Variants in SMOC2 observed in about 807,000 individuals in gnomAD.
SMOC2 encodes the protein SPARC related modular calcium binding 2.
A neutral mutation model predicts 61.4 loss-of-function variants in SMOC2; 39 were observed. The ratio of observed to expected loss-of-function variants is 0.64; its 90% confidence interval spans 0.49 to 0.83. The LOEUF (loss-of-function observed/expected upper bound fraction) is 0.83. Ranked by LOEUF, SMOC2 falls within the 40% of genes least tolerant of loss-of-function variation. The pLI, the probability that SMOC2 is intolerant of heterozygous loss-of-function variation, is 0.00. For synonymous variants in SMOC2, 247 were observed against 239.9 expected, an observed-to-expected ratio of 1.03 and a Z score of -0.27; for missense variants, 556 against 592.9, an observed-to-expected ratio of 0.94 and a Z score of 0.65.
At chr6:168,660,096 C>T (rs9355003) in intron 11 of SMOC2, among the ~76,000 whole-genome samples, 5,180 of 138,116 alleles carry the variant, frequency 0.038, 175 homozygotes, top group East Asian at 0.22. Context: ...TGGGGATGGG[C>T]TAGCTCTGAG....
At position 168,613,730 on chromosome 6, in the gene SMOC2, C is replaced by A. The variant is rs1197874295; in HGVS notation, c.907+5491C>A. Among the ~76,000 whole-genome samples the A allele has an allele frequency of 5.2e-5, 7 of 134,236 alleles. No individual in the cohort carries two copies. In the South Asian group the frequency reaches 1.6e-3, roughly 31 times the overall value. The allele number at this position is 134,236 out of a possible 152,430, so 88.1% of individuals were successfully genotyped here. On this transcript the variant is annotated intron_variant, in intron 9 of 12. Coordinates refer to ENST00000356284, the MANE Select transcript of SMOC2 (RefSeq NM_001166412.2). ...CCAGCACAGGGCCTCTTCACACCTA[C>A]AGCCAGCACAGGGGGCCTCTTCACA...
At chr6:168,638,900 G>C (rs1302480475) in intron 9 of SMOC2, among the ~76,000 whole-genome samples, 2 of 152,176 alleles carry the variant, frequency 1.3e-5, no homozygotes, top group Admixed American at 1.3e-4. Flanking sequence ...CTTTTAAAAG[G>C]AGAAAATCTC....
chr6:168,566,479 C>CTTTT (rs10553952), intron 7 of SMOC2, among the ~76,000 whole-genome samples: 87 of 118,162 alleles, frequency 7.4e-4, no homozygotes, highest in African/African-American at 8.5e-4. Context: ...TGTAGCACTT[C>CTTTT]TTTTTTTTTT....
intron 1 of SMOC2, among the ~76,000 whole-genome samples, chr6:168,469,625 A>G (rs1385639464): frequency 6.6e-6 from 1 of 152,204 alleles, no homozygotes; most frequent in Non-Finnish European, 1.5e-5. Context: ...CCAAATCACA[A>G]GCCTCTGCTT....
At chr6:168,515,912 A>G (rs1783120609) in intron 2 of SMOC2, among the ~76,000 whole-genome samples, 2 of 152,252 alleles carry the variant, frequency 1.3e-5, no homozygotes, top group African/African-American at 4.8e-5. Context: ...AAGAGGGAGC[A>G]CAGGATTGTC....
intron 4 of SMOC2, among the ~76,000 whole-genome samples, chr6:168,539,902 A>C (rs1783839290): frequency 6.6e-6 from 1 of 152,082 alleles, no homozygotes; most frequent in Non-Finnish European, 1.5e-5. Context: ...GCCGCTTCCT[A>C]AGTGGCCCTG....
chr6:168,533,760 A>C (rs1197953180), intron 4 of SMOC2, among the ~76,000 whole-genome samples: 1 of 152,228 alleles, frequency 6.6e-6, no homozygotes, highest in East Asian at 1.9e-4. Context: ...TATTAAAGTA[A>C]AATATTTCAA....
chr6:168,663,555 A>G (rs540128777), intron 11 of SMOC2, among the ~76,000 whole-genome samples: 1 of 151,856 alleles, frequency 6.6e-6, no homozygotes, highest in African/African-American at 2.4e-5. Flanking sequence ...GGGGTAAAGT[A>G]AAACATTCTT....
At chr6:168,526,261 T>A (rs1011517354) in intron 2 of SMOC2, 85 bp from the exon 3 acceptor site, 4 of 1,253,902 alleles carry the variant, frequency 3.2e-6, no homozygotes, top group Non-Finnish European at 2.3e-6. Context: ...GCCTAACTCA[T>A]GCCTTCACAT....
At chr6:168,481,905 T>C (rs1008286249) in intron 1 of SMOC2, among the ~76,000 whole-genome samples, 2 of 151,964 alleles carry the variant, frequency 1.3e-5, no homozygotes, top group Non-Finnish European at 2.9e-5. Flanking sequence ...AAACTAGTTG[T>C]AAGGGAAAAA....
intron 6 of SMOC2, among the ~76,000 whole-genome samples, 154 bp downstream of exon 6, chr6:168,547,323 T>A (rs1258140809): frequency 7.8e-6 from 1 of 128,606 alleles, no homozygotes; most frequent in African/African-American, 3.2e-5. Flanking sequence ...TGATCTTACT[T>A]ATATGTGGAA....
intron 7 of SMOC2, among the ~76,000 whole-genome samples, chr6:168,582,021 G>A (rs763094544): frequency 1.3e-5 from 2 of 152,164 alleles, no homozygotes; most frequent in African/African-American, 4.8e-5. Context: ...GAGTTCTTCC[G>A]AGATTATCTG....
intron 1 of SMOC2, among the ~76,000 whole-genome samples, chr6:168,496,327 G>A (rs556614594): frequency 6.6e-6 from 1 of 152,286 alleles, no homozygotes; most frequent in South Asian, 2.1e-4. Flanking sequence ...GCTGTCTGCA[G>A]TGATGGAAAT....
chr6:168,521,095 CTG>C (rs1255704223), intron 2 of SMOC2, among the ~76,000 whole-genome samples: 5 of 152,196 alleles, frequency 3.3e-5, no homozygotes, highest in Non-Finnish European at 7.4e-5. Flanking sequence ...TTATAAAACA[CTG>C]TTTTCATTTC....
At chr6:168,515,468 G>A (rs779417062) in intron 2 of SMOC2, among the ~76,000 whole-genome samples, 1 of 152,216 alleles carries the variant, frequency 6.6e-6, no homozygotes, top group Non-Finnish European at 1.5e-5. Context: ...CGCTCCACGA[G>A]TTGCCTCCAG....
In SMOC2 at chr6:168,483,006, C is replaced by G. The variant is rs569730756; in HGVS notation, c.85-26909C>G. 4.6e-5 allele frequency among the ~76,000 whole-genome samples: 7 copies of G among 152,172 alleles called. No individual in the cohort carries two copies. In the South Asian group the frequency reaches 1.5e-3, roughly 32 times the overall value. On this transcript the variant is annotated intron_variant, in intron 1 of 12. Transcript: ENST00000356284. ...TAAGATCAGGAGTAAGGCAAGGATG[C>G]CTGCTTTCACCACTACTATTTAACA...
chr6:168,491,445 G>A (rs759815589), intron 1 of SMOC2, among the ~76,000 whole-genome samples: 3 of 152,118 alleles, frequency 2.0e-5, no homozygotes, highest in Non-Finnish European at 2.9e-5. Flanking sequence ...AGTTTCTGGC[G>A]GCTGGAAGGT....
Position 168,441,215 on chromosome 6 carries a change from A to C in SMOC2, c.-156A>C, listed in dbSNP as rs956623532. On this transcript the variant is annotated 5_prime_UTR_variant, in exon 1 of 13. Transcript: ENST00000356284. ...GAGGACCTCTGGGTGCCTGCAGGGG[A>C]GCTGCTCCAGCCGGGCCGCCGGGAG... The C allele has an allele frequency of 4.1e-5, 47 of 1,157,958 alleles. No homozygotes were observed. Among genetic ancestry groups the C allele is most frequent in the Non-Finnish European group, 4.4e-5 (39 of 891,420 alleles). 71.7% of individuals were successfully genotyped at this position (1,157,958 alleles called of 1,614,324 possible).
At position 168,477,230 on chromosome 6, in the gene SMOC2, C is replaced by T. The variant is rs529043109; in HGVS notation, c.85-32685C>T. On this transcript the variant is annotated intron_variant, in intron 1 of 12. Transcript: ENST00000356284. ...GCTAAAGACAAAATTGAGAATTGCT[C>T]AGATAGATATCCAAACCTCAAGCCT... Among the ~76,000 whole-genome samples the T allele has an allele frequency of 2.0e-5, 3 of 152,290 alleles. No homozygotes were observed. In the South Asian group the frequency reaches 6.2e-4, roughly 32 times the overall value.
Sources: gnomAD v4.1 joint callset for allele counts (sites outside exome capture counted in the v4.1 genomes callset) on GRCh38, gnomAD v4.1.1 for gene constraint, MANE v1.5 for transcripts, NCBI Gene and HGNC (gene_info 2026-07-23, HGNC 2026-07-21) for gene names.